SLC35D4: variants seen among roughly 807,000 people sequenced by gnomAD.
SLC35D4 encodes the protein UDP-N-acetylglucosamine transporter SLC35D4.
the SLC35D4 span, among the ~76,000 whole-genome samples, chr18:23,316,008 T>C: frequency 1.3e-4 from 20 of 152,220 alleles, no homozygotes; most frequent in South Asian, 4.1e-4. Flanking sequence ...ACCTGGGAGC[T>C]TGCGCGAAAT....
At chr18:23,269,141 T>C in the SLC35D4 span, among the ~76,000 whole-genome samples, 25 of 152,230 alleles carry the variant, frequency 1.6e-4, no homozygotes, top group African/African-American at 6.0e-4. Context: ...CAGATGGTGA[T>C]ATGGTTTGGC....
chr18:23,402,702 G>C, the SLC35D4 span, among the ~76,000 whole-genome samples: 20 of 152,066 alleles, frequency 1.3e-4, no homozygotes, highest in African/African-American at 3.9e-4. Flanking sequence ...TACTTGGGAG[G>C]CTAAGGTGGG....
chr18:23,408,785 G>A, the SLC35D4 span, among the ~76,000 whole-genome samples: 1 of 151,158 alleles, frequency 6.6e-6, no homozygotes, highest in African/African-American at 2.4e-5. Context: ...TGGAATAGAG[G>A]TAGTTATTGT....
At chr18:23,352,211 C>A in the SLC35D4 span, 1 of 1,610,298 alleles carries the variant, frequency 6.2e-7, no homozygotes, top group African/African-American at 1.3e-5. Context: ...CAAAGAAAAT[C>A]CAGGCTGCAC....
the SLC35D4 span, among the ~76,000 whole-genome samples, chr18:23,277,620 G>A: frequency 6.6e-6 from 1 of 152,218 alleles, no homozygotes; most frequent in African/African-American, 2.4e-5. Flanking sequence ...GCACCAGACA[G>A]AGTTAAACAG....
chr18:23,380,718 A>G, the SLC35D4 span, among the ~76,000 whole-genome samples: 1 of 152,204 alleles, frequency 6.6e-6, no homozygotes, highest in South Asian at 2.1e-4. Flanking sequence ...AAACTATAAT[A>G]AATAATTCTG....
At chr18:23,340,965 T>A in the SLC35D4 span, among the ~76,000 whole-genome samples, 1 of 152,376 alleles carries the variant, frequency 6.6e-6, no homozygotes, top group Non-Finnish European at 1.5e-5. Flanking sequence ...AGAATTCTCA[T>A]GTGAGGATTG....
chr18:23,414,573 T>C, the SLC35D4 span, among the ~76,000 whole-genome samples: 1 of 150,918 alleles, frequency 6.6e-6, no homozygotes, highest in Non-Finnish European at 1.5e-5. Context: ...CCCGGGGGGC[T>C]GAGGCAAGAG....
At chr18:23,429,022 GCT>G in the SLC35D4 span, among the ~76,000 whole-genome samples, 14 of 152,282 alleles carry the variant, frequency 9.2e-5, no homozygotes, top group East Asian at 2.7e-3. Flanking sequence ...ACATAATTGT[GCT>G]CTTTTTTACG....
At chr18:23,315,655 A>C in the SLC35D4 span, among the ~76,000 whole-genome samples, 1 of 152,222 alleles carries the variant, frequency 6.6e-6, no homozygotes, top group African/African-American at 2.4e-5. Context: ...AACTGGAACC[A>C]AGGACTTGAG....
At chr18:23,389,953 T>C in the SLC35D4 span, among the ~76,000 whole-genome samples, 7 of 152,314 alleles carry the variant, frequency 4.6e-5, no homozygotes, top group African/African-American at 1.7e-4. Context: ...TTTCAGAAAA[T>C]CTGCCCTTTA....
chr18:23,252,903 A>T, the SLC35D4 span: 25 of 1,205,370 alleles, frequency 2.1e-5, no homozygotes, highest in South Asian at 3.0e-4. Context: ...TTGGTGCATA[A>T]TTATTACATA....
At chr18:23,371,593 C>T in the SLC35D4 span, 11 of 659,240 alleles carry the variant, frequency 1.7e-5, no homozygotes, top group Non-Finnish European at 2.7e-5. Flanking sequence ...AAACAGGACT[C>T]CTGGGGCCGT....
the SLC35D4 span, among the ~76,000 whole-genome samples, chr18:23,289,888 T>C: frequency 2.0e-5 from 3 of 151,780 alleles, no homozygotes; most frequent in Non-Finnish European, 2.9e-5. Flanking sequence ...ACAACCCCCC[T>C]TTTTCCTTTA....
chr18:23,261,908 G>A, the SLC35D4 span, among the ~76,000 whole-genome samples: 2 of 152,134 alleles, frequency 1.3e-5, no homozygotes, highest in African/African-American at 4.8e-5. Flanking sequence ...ATAAGCTGGG[G>A]CTTCCATATG....
chr18:23,270,646 C>T, the SLC35D4 span, among the ~76,000 whole-genome samples: 1 of 152,240 alleles, frequency 6.6e-6, no homozygotes, highest in African/African-American at 2.4e-5. Context: ...CTGCTCAAGA[C>T]TGTGGGAACC....
chr18:23,352,179 C>G, the SLC35D4 span: 1 of 1,585,736 alleles, frequency 6.3e-7, no homozygotes, highest in Non-Finnish European at 8.6e-7. Flanking sequence ...GAATTTCCCA[C>G]CCCTCTTGTC....
chr18:23,327,765 A>C, the SLC35D4 span, among the ~76,000 whole-genome samples: 1 of 152,262 alleles, frequency 6.6e-6, no homozygotes, highest in East Asian at 1.9e-4. Context: ...AGAGAATTTT[A>C]GACCAATATC....
the SLC35D4 span, among the ~76,000 whole-genome samples, chr18:23,264,979 A>G: frequency 6.6e-6 from 1 of 152,102 alleles, no homozygotes; most frequent in Non-Finnish European, 1.5e-5. Context: ...GTGAGGATTC[A>G]CTCACTATCG....
Sources: gnomAD v4.1 joint callset for allele counts (sites outside exome capture counted in the v4.1 genomes callset) on GRCh38, gnomAD v4.1.1 for gene constraint, MANE v1.5 for transcripts, NCBI Gene and HGNC (gene_info 2026-07-23, HGNC 2026-07-21) for gene names.